The following TMEM74 variants were observed in gnomAD, a reference collection of about 807,000 sequenced individuals.
TMEM74 encodes the protein transmembrane protein 74.
Under a neutral mutation model 18.1 loss-of-function variants are expected in TMEM74, and 13 were observed. That is an observed-to-expected ratio of 0.72 (90% CI 0.47 to 1.14). The LOEUF is 1.14. TMEM74 is among the 50% of genes most tolerant of loss of function. TMEM74 has a pLI of 0.00. For synonymous variants in TMEM74, 159 were observed against 146.6 expected, an observed-to-expected ratio of 1.08 and a Z score of -0.61; for missense variants, 372 against 375.9, an observed-to-expected ratio of 0.99 and a Z score of 0.09.
intron 1 of TMEM74, among the ~76,000 whole-genome samples, chr8:108,661,116 T>G (rs1443299242): frequency 6.6e-6 from 1 of 152,162 alleles, no homozygotes; most frequent in Non-Finnish European, 1.5e-5. Context: ...CATTTTCATT[T>G]GATTATAATT....
intron 1 of TMEM74, among the ~76,000 whole-genome samples, chr8:108,765,624 G>C (rs143823104): frequency 6.6e-6 from 1 of 151,866 alleles, no homozygotes; most frequent in Non-Finnish European, 1.5e-5. Flanking sequence ...GGCCAGGCTG[G>C]TCTCAAACTC....
At position 108,665,250 on chromosome 8, in the gene TMEM74, A is replaced by G. The variant is rs144671598; in HGVS notation, n.120-9813T>C. Among the ~76,000 whole-genome samples, 6 of 152,304 alleles carry G rather than the reference A, an allele frequency of 3.9e-5. No homozygotes were observed. The East Asian group carries it at 1.2e-3, about 29-fold the overall frequency. Reference sequence around the variant, plus strand: ...AGGAATAACTTCGACCTGAATTATTATATAACAGACAGTAACTGGTCCAGC... The same window carrying G: ...AGGAATAACTTCGACCTGAATTATTGTATAACAGACAGTAACTGGTCCAGC... On this transcript the variant is annotated intron_variant and non_coding_transcript_variant, in intron 1 of 3. Transcript: ENST00000518838.
At chr8:108,715,443 G>C (rs1430689121) in intron 1 of TMEM74, among the ~76,000 whole-genome samples, 1 of 151,914 alleles carries the variant, frequency 6.6e-6, no homozygotes, top group African/African-American at 2.4e-5. Flanking sequence ...AAAAAAAAAT[G>C]AGTTGCCTTT....
chr8:108,628,063 T>TA (rs963447302), intron 2 of TMEM74, among the ~76,000 whole-genome samples: 4 of 151,608 alleles, frequency 2.6e-5, no homozygotes, highest in African/African-American at 2.4e-5. Context: ...GTCTCAAAAA[T>TA]AAAAAATAAA....
At position 108,731,561 on chromosome 8, in the gene TMEM74, A is replaced by G. The variant is rs566038992; in HGVS notation, n.119+55915T>C. On this transcript the variant is annotated intron_variant and non_coding_transcript_variant, in intron 1 of 3. Coordinates refer to the TMEM74 transcript ENST00000518838. ...GACACACTAAATTACTGGGAGGATT[A>G]GGTGATAGAGAGCATGAATACACAC... Among the ~76,000 whole-genome samples, 5 of 152,276 alleles carry G rather than the reference A, an allele frequency of 3.3e-5. No homozygotes were observed. In the South Asian group the frequency reaches 8.3e-4, roughly 25 times the overall value.
At chr8:108,680,766 C>G (rs1813105329) in intron 1 of TMEM74, among the ~76,000 whole-genome samples, 1 of 152,068 alleles carries the variant, frequency 6.6e-6, no homozygotes, top group Non-Finnish European at 1.5e-5. Flanking sequence ...TCTAGAAAAC[C>G]CCATCGTCTT....
At chr8:108,712,935 C>T (rs891439780) in intron 1 of TMEM74, among the ~76,000 whole-genome samples, 1 of 152,126 alleles carries the variant, frequency 6.6e-6, no homozygotes, top group East Asian at 1.9e-4. Flanking sequence ...ACATGAAGAG[C>T]TCTGGTAACA....
intron 1 of TMEM74, among the ~76,000 whole-genome samples, chr8:108,693,988 C>A (rs1372710004): frequency 1.3e-5 from 2 of 152,198 alleles, no homozygotes; most frequent in Non-Finnish European, 2.9e-5. Context: ...AGGAAACCAA[C>A]ATTGTAACAT....
intron 1 of TMEM74, among the ~76,000 whole-genome samples, chr8:108,749,280 A>G (rs909333712): frequency 6.6e-6 from 1 of 152,084 alleles, no homozygotes; most frequent in Non-Finnish European, 1.5e-5. Flanking sequence ...CTTCCTATCC[A>G]TGAGCATGGA....
chr8:108,670,712 A>C (rs190638472), intron 1 of TMEM74, among the ~76,000 whole-genome samples: 1 of 152,166 alleles, frequency 6.6e-6, no homozygotes, highest in Non-Finnish European at 1.5e-5. Flanking sequence ...AGATGGATGA[A>C]TTTGGCGGTT....
intron 2 of TMEM74, among the ~76,000 whole-genome samples, chr8:108,615,268 A>T (rs62512402): frequency 0.055 from 8,370 of 152,300 alleles, 265 homozygotes; most frequent in East Asian, 0.12. Context: ...TAGAGGCCAC[A>T]TATCTCCTGG....
intron 1 of TMEM74, among the ~76,000 whole-genome samples, chr8:108,741,754 TA>T (rs2130646513): frequency 6.6e-6 from 1 of 152,304 alleles, no homozygotes; most frequent in Non-Finnish European, 1.5e-5. Context: ...GATACCTTAC[TA>T]ATGGATAACA....
chr8:108,691,902 A>C (rs776438214), intron 1 of TMEM74, among the ~76,000 whole-genome samples: 9 of 152,088 alleles, frequency 5.9e-5, no homozygotes, highest in Non-Finnish European at 1.2e-4. Flanking sequence ...TTATAGCAAT[A>C]TGTTGATTCT....
intron 1 of TMEM74, among the ~76,000 whole-genome samples, chr8:108,657,265 G>A (rs1483233565): frequency 6.6e-6 from 1 of 152,018 alleles, no homozygotes; most frequent in Admixed American, 6.6e-5. Flanking sequence ...CTACCATGGT[G>A]TTATTCAGGG....
chr8:108,749,337 G>A (rs928426652), intron 1 of TMEM74, among the ~76,000 whole-genome samples: 25 of 152,222 alleles, frequency 1.6e-4, no homozygotes, highest in African/African-American at 5.5e-4. Flanking sequence ...TTGAGCAGTG[G>A]TTTGTAGTTC....
At chr8:108,654,541 T>TG (rs1236417728) in intron 2 of TMEM74, among the ~76,000 whole-genome samples, 8 of 152,148 alleles carry the variant, frequency 5.3e-5, no homozygotes, top group Non-Finnish European at 1.0e-4. Flanking sequence ...CCCTGACCCA[T>TG]GTCTAGTTTG....
At chr8:108,627,035 A>T (rs1433367609) in intron 2 of TMEM74, among the ~76,000 whole-genome samples, 1 of 152,078 alleles carries the variant, frequency 6.6e-6, no homozygotes, top group African/African-American at 2.4e-5. Context: ...TCTTTTGTTA[A>T]TACTATCATT....
intron 1 of TMEM74, among the ~76,000 whole-genome samples, chr8:108,691,093 C>T (rs1391202): frequency 0.029 from 4,467 of 152,280 alleles, 123 homozygotes; most frequent in African/African-American, 0.066. Context: ...GCTTCTGTTG[C>T]TGCTATGAAA....
At chr8:108,717,291 G>A (rs3019354) in intron 1 of TMEM74, among the ~76,000 whole-genome samples, 54,569 of 151,794 alleles carry the variant, frequency 0.36, 10,215 homozygotes, top group East Asian at 0.6. Flanking sequence ...CCCTCAATAG[G>A]CCCAATAAAA....
Sources: gnomAD v4.1 joint callset for allele counts (sites outside exome capture counted in the v4.1 genomes callset) on GRCh38, gnomAD v4.1.1 for gene constraint, MANE v1.5 for transcripts, NCBI Gene and HGNC (gene_info 2026-07-23, HGNC 2026-07-21) for gene names.